The following ZFAND6 variants were observed in gnomAD, a reference collection of about 807,000 sequenced individuals.
The protein encoded by ZFAND6 is zinc finger AN1-type containing 6, also known as AN1-type zinc finger protein 6.
ZFAND6 carries 12 observed loss-of-function variants against 24.5 expected under a neutral mutation model. The ratio of observed to expected loss-of-function variants is 0.49; its 90% confidence interval spans 0.31 to 0.79. The LOEUF is 0.79. Among genes scored for constraint, ZFAND6 ranks in the 30% least tolerant of loss-of-function variants. The probability of loss-of-function intolerance (pLI) is 0.04; values close to 1 mark genes in which losing one functional copy is unlikely to be tolerated. For missense variants in ZFAND6, 207 were observed against 245.9 expected (o/e 0.84, Z 1.06); for synonymous variants, 92 against 81.5 (o/e 1.13, Z -0.69).
intron 1 of ZFAND6, among the ~76,000 whole-genome samples, chr15:80,086,719 T>C (rs1214546117): frequency 6.6e-6 from 1 of 152,250 alleles, no homozygotes; most frequent in Non-Finnish European, 1.5e-5. Context: ...TTCAGTACCA[T>C]TAAATACATT....
rs58536058 is a variant in ZFAND6 at position 80,113,367 on chromosome 15, T to A, written c.-17-6961T>A. Among the ~76,000 whole-genome samples the A allele has an allele frequency of 0.014, 2,094 of 152,242 alleles. 104 individuals carry two copies. The East Asian group carries it at 0.17, about 12-fold the overall frequency. ...TTTGAATGCTAGCAACTAATTTTTT[T>A]AAAAAATAATAGGTACTGGCCAATC... On this transcript the variant is annotated intron_variant, in intron 2 of 6. Transcript: ENST00000261749.
At chr15:80,068,663 C>T (rs545288341) in intron 1 of ZFAND6, among the ~76,000 whole-genome samples, 2 of 152,240 alleles carry the variant, frequency 1.3e-5, no homozygotes, top group Admixed American at 6.5e-5. Flanking sequence ...TGAGCTACCG[C>T]GCTCAGCCGG....
chr15:80,106,519 C>T (rs923388595), intron 2 of ZFAND6, among the ~76,000 whole-genome samples: 2 of 151,694 alleles, frequency 1.3e-5, no homozygotes, highest in Non-Finnish European at 2.9e-5. Flanking sequence ...ATTTGCCAGC[C>T]CTAATCTAGA....
At chr15:80,070,300 A>G (rs764195417) in intron 1 of ZFAND6, among the ~76,000 whole-genome samples, 8 of 152,188 alleles carry the variant, frequency 5.3e-5, no homozygotes, top group Non-Finnish European at 8.8e-5. Context: ...CACAAATAAT[A>G]TACAATACAT....
At chr15:80,089,139 C>T (rs1048908438) in intron 1 of ZFAND6, among the ~76,000 whole-genome samples, 3 of 148,390 alleles carry the variant, frequency 2.0e-5, no homozygotes, top group Non-Finnish European at 4.6e-5. Flanking sequence ...TTGACAACTC[C>T]TTCTGTTCTT....
chr15:80,119,917 C>T (rs1047873851), intron 2 of ZFAND6, among the ~76,000 whole-genome samples: 1 of 152,190 alleles, frequency 6.6e-6, no homozygotes, highest in East Asian at 1.9e-4. Flanking sequence ...AGCACATGAA[C>T]TTCCAGCAAA....
intron 1 of ZFAND6, among the ~76,000 whole-genome samples, chr15:80,085,631 A>G (rs1304279227): frequency 6.6e-6 from 1 of 152,216 alleles, no homozygotes; most frequent in African/African-American, 2.4e-5. Flanking sequence ...ATGGATAAAA[A>G]TATCTGTATA....
chr15:80,095,844 T>C (rs2038690411), intron 1 of ZFAND6, among the ~76,000 whole-genome samples: 1 of 152,244 alleles, frequency 6.6e-6, no homozygotes, highest in Non-Finnish European at 1.5e-5. Context: ...TTACTTGCTT[T>C]AATTTCATAT....
At chr15:80,089,625 T>C (rs1443367889) in intron 1 of ZFAND6, among the ~76,000 whole-genome samples, 2 of 152,130 alleles carry the variant, frequency 1.3e-5, no homozygotes, top group Non-Finnish European at 2.9e-5. Context: ...AATCTCTGCC[T>C]TCTAGCTGCT....
At chr15:80,074,646 A>G (rs1406206860) in intron 1 of ZFAND6, among the ~76,000 whole-genome samples, 2 of 151,924 alleles carry the variant, frequency 1.3e-5, no homozygotes, top group Non-Finnish European at 2.9e-5. Flanking sequence ...GCATCTTTCC[A>G]GTATTTTATA....
chr15:80,082,774 T>A (rs959289675), intron 1 of ZFAND6, among the ~76,000 whole-genome samples: 2 of 152,138 alleles, frequency 1.3e-5, no homozygotes, highest in Non-Finnish European at 2.9e-5. Flanking sequence ...GGACCATGCT[T>A]CCCTCCTTGT....
intron 2 of ZFAND6, among the ~76,000 whole-genome samples, chr15:80,101,718 G>T (rs2039042628): frequency 6.6e-6 from 1 of 151,302 alleles, no homozygotes; most frequent in Non-Finnish European, 1.5e-5. Context: ...AGAAAGAGAA[G>T]AGGAAGCAAA....
chr15:80,137,035 G>A (rs991442632), intron 6 of ZFAND6, among the ~76,000 whole-genome samples: 1 of 152,188 alleles, frequency 6.6e-6, no homozygotes, highest in African/African-American at 2.4e-5. Flanking sequence ...CATCTCCATG[G>A]GAGGTTAGCA....
intron 5 of ZFAND6, among the ~76,000 whole-genome samples, chr15:80,127,363 G>A (rs1316863225): frequency 6.6e-6 from 1 of 151,852 alleles, no homozygotes; most frequent in Non-Finnish European, 1.5e-5. Context: ...TGAGGCGGGC[G>A]GATCACCTTA....
intron 2 of ZFAND6, among the ~76,000 whole-genome samples, chr15:80,114,262 GC>G (rs1210235126): frequency 6.6e-6 from 1 of 152,174 alleles, no homozygotes; most frequent in African/African-American, 2.4e-5. Flanking sequence ...ACAAGTCCAA[GC>G]TTTTACAGGT....
chr15:80,121,646 T>C (rs2040151397), intron 3 of ZFAND6, 66 bp from the exon 4 acceptor site: 1 of 1,367,816 alleles, frequency 7.3e-7, no homozygotes, highest in African/African-American at 1.4e-5. Context: ...ATTTTGATTT[T>C]TTTAGATAAG....
At chr15:80,103,787 T>C (rs558201294) in intron 2 of ZFAND6, among the ~76,000 whole-genome samples, 71 of 152,286 alleles carry the variant, frequency 4.7e-4, no homozygotes, top group African/African-American at 1.6e-3. Flanking sequence ...AGCAGACACT[T>C]AGGAGAAATA....
chr15:80,094,842 A>G lies in ZFAND6; in HGVS notation c.-180-3574A>G, dbSNP rs138517834. On this transcript the variant is annotated intron_variant, in intron 1 of 6. Transcript: ENST00000261749. ...CTCTTGTATCCCAGGCTGGAGTGCAATGGCTCACTGCAACCTCTGCCTCCC... is the reference window on the plus strand; with the variant it reads ...CTCTTGTATCCCAGGCTGGAGTGCAGTGGCTCACTGCAACCTCTGCCTCCC... Among the ~76,000 whole-genome samples, 852 of 151,946 alleles carry G rather than the reference A, an allele frequency of 5.6e-3. 8 individuals are homozygous for G. The highest frequency in any genetic ancestry group is 0.019 in the African/African-American group (797 of 41,444).
At chr15:80,128,940 C>T (rs2040481968) in intron 5 of ZFAND6, among the ~76,000 whole-genome samples, 1 of 152,166 alleles carries the variant, frequency 6.6e-6, no homozygotes, top group Admixed American at 6.5e-5. Context: ...AGTAGTTAGA[C>T]CAGTTTTGTT....
Sources: allele counts gnomAD v4.1 joint callset (sites outside exome capture counted in the v4.1 genomes callset), GRCh38; gene constraint gnomAD v4.1.1; transcripts MANE v1.5; gene names NCBI Gene and HGNC (gene_info 2026-07-23, HGNC 2026-07-21).